Variants in IL10RB observed in about 807,000 individuals in gnomAD.
IL10RB encodes the protein interleukin 10 receptor subunit beta.
Under a neutral mutation model 38.7 loss-of-function variants are expected in IL10RB, and 30 were observed. The observed-to-expected ratio is 0.78, with a 90% CI of 0.58 to 1.05. The LOEUF (loss-of-function observed/expected upper bound fraction) is 1.05, where lower values mean the gene tolerates loss of function less well. Among genes scored for constraint, IL10RB ranks in the 50% least tolerant of loss-of-function variants. The probability of loss-of-function intolerance (pLI) is 0.00; values close to 1 mark genes in which losing one functional copy is unlikely to be tolerated. For missense variants in IL10RB, 328 were observed against 397.1 expected (o/e 0.83, Z 1.48); for synonymous variants, 142 against 145.9 (o/e 0.97, Z 0.19).
rs745768314 is a variant in IL10RB at position 33,283,163 on chromosome 21, C to G, written c.568C>G (p.Gln190Glu). 2.1e-5 allele frequency: 34 copies of G among 1,613,994 alleles called. No individual in the cohort carries two copies. In the South Asian group the frequency reaches 3.2e-4, roughly 15 times the overall value. The change falls in exon 5 of 7, where the codon CAA becomes GAA. Residue 190 changes from glutamine to glutamate, a missense_variant. Transcript: ENST00000290200. ...NLEPWTTYCVQVRGFLPDRNK... is the reference protein window; with the variant it reads ...NLEPWTTYCVEVRGFLPDRNK... ...GGAGCCATGGACAACTTATTGTGTT[C>G]AAGTTCGAGGGTTTCTTCCTGATCG...
At chr21:33,277,361 G>C (rs34579880) in intron 3 of IL10RB, among the ~76,000 whole-genome samples, 1 of 151,512 alleles carries the variant, frequency 6.6e-6, no homozygotes, top group East Asian at 1.9e-4. Context: ...TTGTTCCCAG[G>C]TTAGATTTGG....
At chr21:33,278,997 A>G (rs1350285038) in intron 3 of IL10RB, among the ~76,000 whole-genome samples, 1 of 152,276 alleles carries the variant, frequency 6.6e-6, no homozygotes, top group Non-Finnish European at 1.5e-5. Context: ...CACTGAAGCT[A>G]CAACAATGAA....
chr21:33,283,336 T>C, intron 5 of IL10RB, 95 bp downstream of exon 5: 1 of 1,287,314 alleles, frequency 7.8e-7, no homozygotes, highest in South Asian at 1.2e-5. Context: ...TCCAGCTCAG[T>C]TCAGAAATCT....
In IL10RB at chr21:33,276,926, A is replaced by C. The variant is rs930928677; in HGVS notation, c.331+173A>C. Among the ~76,000 whole-genome samples, 4 of 152,336 alleles carry C rather than the reference A, an allele frequency of 2.6e-5. No homozygotes were observed. In the East Asian group the frequency reaches 5.8e-4, roughly 22 times the overall value. ...TGTATCCCTAAAGAATTCATGGGAG[A>C]GACAGAAAAAGATAGGCATATCATC... On this transcript the variant is annotated intron_variant, in intron 3 of 6. Coordinates refer to ENST00000290200, the MANE Select transcript of IL10RB (RefSeq NM_000628.5).
At chr21:33,287,990 C>A (rs1989405717) in intron 5 of IL10RB, 114 bp from the exon 6 acceptor site, 2 of 1,019,480 alleles carry the variant, frequency 2.0e-6, no homozygotes, top group East Asian at 2.4e-5. Flanking sequence ...CTGAGACGTC[C>A]CCCAAGATAA....
chr21:33,283,263 C>T (rs771328629), intron 5 of IL10RB, 22 bp downstream of exon 5: 56 of 1,611,558 alleles, frequency 3.5e-5, no homozygotes, highest in Admixed American at 3.0e-4. Flanking sequence ...GATGCACCTC[C>T]GCTAAGCATC....
chr21:33,268,041 C>T (rs1373578991), intron 1 of IL10RB: 2 of 386,776 alleles, frequency 5.2e-6, no homozygotes, highest in Non-Finnish European at 4.7e-6. Context: ...GGACATTGAC[C>T]TCAGCTTTTA....
chr21:33,302,642 C>CA (rs2123613177), intron 1 of IL10RB, among the ~76,000 whole-genome samples: 1 of 152,226 alleles, frequency 6.6e-6, no homozygotes, highest in Non-Finnish European at 1.5e-5. Context: ...GAGGAGTGAA[C>CA]AGGAGGGTGT....
At chr21:33,283,439 A>T (rs1362088543) in intron 5 of IL10RB, among the ~76,000 whole-genome samples, 198 bp downstream of exon 5, 2 of 152,162 alleles carry the variant, frequency 1.3e-5, no homozygotes, top group African/African-American at 4.8e-5. Flanking sequence ...TCACTCTTAG[A>T]TCAAAGGAGT....
chr21:33,282,194 G>A (rs2247177), intron 4 of IL10RB, among the ~76,000 whole-genome samples: 71,898 of 151,812 alleles, frequency 0.47, 17,631 homozygotes, highest in African/African-American at 0.6. Context: ...TCATGCAGTA[G>A]AGGCATATAG....
At chr21:33,307,163 A>T (rs1488070003) in intron 1 of IL10RB, among the ~76,000 whole-genome samples, 1 of 152,104 alleles carries the variant, frequency 6.6e-6, no homozygotes, top group Non-Finnish European at 1.5e-5. Flanking sequence ...GACAAACGTG[A>T]CTGCATCTTG....
chr21:33,278,631 G>T (rs543388636), intron 3 of IL10RB, among the ~76,000 whole-genome samples: 1 of 152,322 alleles, frequency 6.6e-6, no homozygotes, highest in East Asian at 1.9e-4. Flanking sequence ...CAGGTCATGA[G>T]TGGCTGAGCA....
intron 1 of IL10RB, 180 bp from the exon 2 acceptor site, chr21:33,268,214 C>T: frequency 1.3e-6 from 2 of 1,508,260 alleles, no homozygotes; most frequent in Non-Finnish European, 1.8e-6. Flanking sequence ...AATTTCTCCT[C>T]ACGGCTGTTC....
chr21:33,274,360 G>C (rs1016997509), intron 2 of IL10RB, among the ~76,000 whole-genome samples: 2 of 151,856 alleles, frequency 1.3e-5, no homozygotes, highest in South Asian at 4.2e-4. Context: ...TTTTAGTAAA[G>C]TCAGGGTTTC....
chr21:33,301,061 G>A (rs912619759), downstream of IL10RB, among the ~76,000 whole-genome samples: 6 of 152,070 alleles, frequency 3.9e-5, no homozygotes, highest in Admixed American at 3.3e-4. Flanking sequence ...TTTATTTTAC[G>A]GGAACTTAGT....
intron 1 of IL10RB, among the ~76,000 whole-genome samples, chr21:33,303,787 G>A (rs189046578): frequency 2.4e-4 from 36 of 152,308 alleles, no homozygotes; most frequent in Middle Eastern, 3.4e-3. Flanking sequence ...TACAGCCCCC[G>A]CTCTGGCCTT....
chr21:33,298,208 G>A (rs1021322566), downstream of IL10RB, among the ~76,000 whole-genome samples: 3 of 152,078 alleles, frequency 2.0e-5, no homozygotes, highest in African/African-American at 2.4e-5. Flanking sequence ...ATCAAGACTC[G>A]CATTTTACCT....
chr21:33,271,453 G>A (rs562322546), intron 2 of IL10RB, among the ~76,000 whole-genome samples: 1 of 152,314 alleles, frequency 6.6e-6, no homozygotes, highest in East Asian at 1.9e-4. Flanking sequence ...TGAAGGCCAG[G>A]CGCGGTGGCT....
At chr21:33,295,671 CA>C (rs549680649) in intron 6 of IL10RB, among the ~76,000 whole-genome samples, 48,167 of 109,276 alleles carry the variant, frequency 0.44, 8,299 homozygotes, top group East Asian at 0.64. Context: ...GACTCCATCT[CA>C]AAAAAAAAAA....
Sources: allele counts gnomAD v4.1 joint callset (sites outside exome capture counted in the v4.1 genomes callset), GRCh38; gene constraint gnomAD v4.1.1; transcripts MANE v1.5; gene names NCBI Gene and HGNC (gene_info 2026-07-23, HGNC 2026-07-21).